The following GRM1 variants were observed in gnomAD, a reference collection of about 807,000 sequenced individuals.
GRM1 encodes metabotropic glutamate receptor 1.
A neutral mutation model predicts 90.9 loss-of-function variants in GRM1; 33 were observed. The ratio of observed to expected loss-of-function variants is 0.36; its 90% CI spans 0.28 to 0.49. GRM1 has a LOEUF of 0.49. GRM1 is among the 20% of genes least tolerant of loss of function. GRM1 has a pLI of 0.99. For synonymous variants in GRM1, 700 were observed against 613.2 expected (o/e 1.14, Z -2.09); for missense variants, 1,190 against 1,534.3 (o/e 0.78, Z 3.75).
intron 1 of GRM1, among the ~76,000 whole-genome samples, chr6:146,056,457 A>G (rs1288318210): frequency 6.6e-6 from 1 of 152,176 alleles, no homozygotes; most frequent in African/African-American, 2.4e-5. Context: ...TATAGACCCA[A>G]CAAAGCCTAA....
intron 2 of GRM1, among the ~76,000 whole-genome samples, chr6:146,182,325 A>G (rs111790645): frequency 2.0e-4 from 30 of 151,656 alleles, no homozygotes; most frequent in African/African-American, 7.2e-4. Flanking sequence ...GTCTAGAGTT[A>G]TTTTTAGTAG....
chr6:146,324,506 C>G (rs1407010151), intron 3 of GRM1, among the ~76,000 whole-genome samples: 1 of 151,964 alleles, frequency 6.6e-6, no homozygotes, highest in Non-Finnish European at 1.5e-5. Context: ...CAGTGTCTGC[C>G]CAAACAGCCA....
intron 1 of GRM1, among the ~76,000 whole-genome samples, chr6:146,072,772 A>G (rs909879655): frequency 2.0e-5 from 3 of 152,162 alleles, no homozygotes; most frequent in East Asian, 1.9e-4. Context: ...CAAAGGAAAA[A>G]TTGGTGATAA....
intron 7 of GRM1, among the ~76,000 whole-genome samples, chr6:146,425,461 G>A (rs1335019087): frequency 6.6e-6 from 1 of 152,196 alleles, no homozygotes. Context: ...AAAAGAGATA[G>A]AAGAGAAGGA....
chr6:146,090,613 G>T (rs1165785532), intron 1 of GRM1, among the ~76,000 whole-genome samples: 10 of 152,076 alleles, frequency 6.6e-5, no homozygotes, highest in Non-Finnish European at 2.9e-5. Flanking sequence ...TTAAGCCATA[G>T]CTGTGCCAGC....
intron 3 of GRM1, among the ~76,000 whole-genome samples, chr6:146,332,699 G>A (rs1317410768): frequency 1.3e-5 from 2 of 152,204 alleles, no homozygotes; most frequent in African/African-American, 4.8e-5. Context: ...ACTTTCACAG[G>A]TTTCGGAAAT....
chr6:146,190,010 G>C (rs1441274889), intron 2 of GRM1, among the ~76,000 whole-genome samples: 1 of 152,188 alleles, frequency 6.6e-6, no homozygotes, highest in East Asian at 1.9e-4. Flanking sequence ...GTTAGATTAA[G>C]TTCGGGTATA....
intron 2 of GRM1, among the ~76,000 whole-genome samples, chr6:146,289,402 A>G (rs1383637084): frequency 6.6e-6 from 1 of 152,236 alleles, no homozygotes; most frequent in African/African-American, 2.4e-5. Context: ...AAAAATTTTT[A>G]TATAGCTATA....
intron 3 of GRM1, among the ~76,000 whole-genome samples, chr6:146,322,642 T>C (rs1384275474): frequency 6.6e-6 from 1 of 151,674 alleles, no homozygotes; most frequent in African/African-American, 2.4e-5. Context: ...AGGGTACATG[T>C]GCACAACGTG....
chr6:146,355,916 A>G (rs1382820483), intron 4 of GRM1, among the ~76,000 whole-genome samples: 1 of 152,210 alleles, frequency 6.6e-6, no homozygotes, highest in Non-Finnish European at 1.5e-5. Flanking sequence ...AAAGAGCAAG[A>G]GGCCGTGACT....
intron 1 of GRM1, among the ~76,000 whole-genome samples, chr6:146,099,439 G>A (rs1318469803): frequency 6.6e-6 from 1 of 152,156 alleles, no homozygotes; most frequent in East Asian, 1.9e-4. Flanking sequence ...TCATTTAAAA[G>A]ATCTGGAGTA....
chr6:146,344,665 C>A (rs1354066719), intron 3 of GRM1, among the ~76,000 whole-genome samples: 1 of 152,146 alleles, frequency 6.6e-6, no homozygotes, highest in Non-Finnish European at 1.5e-5. Context: ...TAAAAGGCAA[C>A]ATTAAAGAAA....
intron 2 of GRM1, among the ~76,000 whole-genome samples, chr6:146,264,559 T>A (rs1394864924): frequency 6.6e-6 from 1 of 151,850 alleles, no homozygotes; most frequent in African/African-American, 2.4e-5. Flanking sequence ...CATGTGTAGG[T>A]TTGTTACATG....
chr6:146,066,507 C>T (rs1375066612), intron 1 of GRM1, among the ~76,000 whole-genome samples: 1 of 152,134 alleles, frequency 6.6e-6, no homozygotes, highest in African/African-American at 2.4e-5. Flanking sequence ...AATACTGCTG[C>T]AATGAACATA....
chr6:146,235,431 T>C (rs1780605477), intron 2 of GRM1, among the ~76,000 whole-genome samples: 1 of 152,122 alleles, frequency 6.6e-6, no homozygotes, highest in Admixed American at 6.6e-5. Flanking sequence ...TCTGAGCTTA[T>C]TGTATTTGTG....
chr6:146,415,006 G>C (rs547203122), intron 7 of GRM1, among the ~76,000 whole-genome samples: 37 of 152,058 alleles, frequency 2.4e-4, no homozygotes, highest in Admixed American at 3.3e-4. Flanking sequence ...CATTATTACT[G>C]TACTACATCT....
chr6:146,371,470 C>T (rs564165773), intron 5 of GRM1, among the ~76,000 whole-genome samples: 1 of 152,162 alleles, frequency 6.6e-6, no homozygotes, highest in Admixed American at 6.6e-5. Flanking sequence ...GAGTTACAAA[C>T]AATCCAATTA....
intron 7 of GRM1, among the ~76,000 whole-genome samples, chr6:146,422,617 C>T (rs914784023): frequency 6.6e-6 from 1 of 152,100 alleles, no homozygotes; most frequent in East Asian, 1.9e-4. Context: ...AAGTGCCAGG[C>T]CTCCTGATTC....
At chr6:146,345,330 T>C (rs1204675802) in intron 3 of GRM1, among the ~76,000 whole-genome samples, 4 of 152,236 alleles carry the variant, frequency 2.6e-5, no homozygotes, top group Non-Finnish European at 5.9e-5. Flanking sequence ...AAGTTATAGA[T>C]ATTTTGTTGC....
Sources: gnomAD v4.1 joint callset for allele counts (sites outside exome capture counted in the v4.1 genomes callset) on GRCh38, gnomAD v4.1.1 for gene constraint, MANE v1.5 for transcripts, NCBI Gene and HGNC (gene_info 2026-07-23, HGNC 2026-07-21) for gene names.